The following AGPAT4 variants were observed in gnomAD, a reference collection of about 807,000 sequenced individuals.
AGPAT4 encodes 1-acylglycerol-3-phosphate O-acyltransferase 4, also known as 1-acyl-sn-glycerol-3-phosphate acyltransferase delta.
In AGPAT4, 15 loss-of-function variants were observed where a neutral mutation model predicts 48.0. The ratio of observed to expected loss-of-function variants is 0.31; its 90% CI spans 0.21 to 0.48. The LOEUF is 0.48. Ranked by LOEUF, AGPAT4 falls within the 20% of genes least tolerant of loss-of-function variation. The pLI is 0.99. For missense variants in AGPAT4, 314 were observed against 482.5 expected (o/e 0.65, Z 3.27); for synonymous variants, 178 against 198.7 (o/e 0.90, Z 0.88).
At chr6:161,194,880 G>T (rs937426802) in intron 2 of AGPAT4, among the ~76,000 whole-genome samples, 2 of 152,106 alleles carry the variant, frequency 1.3e-5, no homozygotes, top group African/African-American at 4.8e-5. Context: ...TGAATAAAAT[G>T]GTTTCCATGG....
At chr6:161,257,547 A>C (rs147883631) in intron 1 of AGPAT4, among the ~76,000 whole-genome samples, 81 of 152,316 alleles carry the variant, frequency 5.3e-4, no homozygotes, top group African/African-American at 1.9e-3. Flanking sequence ...TATACACTTA[A>C]AATGGGTGAA....
intron 7 of AGPAT4, among the ~76,000 whole-genome samples, chr6:161,145,636 T>A (rs1880366): frequency 0.044 from 6,734 of 151,416 alleles, 742 homozygotes; most frequent in African/African-American, 0.16. Context: ...CATTCCCAAG[T>A]GTAGGTAGGG....
At chr6:161,268,362 G>A (rs1314543483) in intron 1 of AGPAT4, among the ~76,000 whole-genome samples, 6 of 152,068 alleles carry the variant, frequency 3.9e-5, no homozygotes, top group Non-Finnish European at 7.3e-5. Flanking sequence ...AAAACAAAAC[G>A]GGATACATGT....
intron 1 of AGPAT4, among the ~76,000 whole-genome samples, chr6:161,248,269 T>C (rs902279533): frequency 6.6e-6 from 1 of 151,970 alleles, no homozygotes; most frequent in Non-Finnish European, 1.5e-5. Context: ...TATTCACAAC[T>C]GCCACAAAAA....
At chr6:161,160,395 G>C (rs1583291049) in intron 3 of AGPAT4, 1 of 154,098 alleles carries the variant, frequency 6.5e-6, no homozygotes, top group South Asian at 2.0e-4. Flanking sequence ...CAAAATGTAT[G>C]CTGTTCCACA....
In AGPAT4 at chr6:161,165,849, G is replaced by T. The variant is rs149371384; in HGVS notation, c.348+399C>A. On this transcript the variant is annotated intron_variant, in intron 3 of 8. Transcript: ENST00000320285. This position sits in a 1 kb window ranked among gnomAD's most constrained non-coding sequence, Gnocchi z 5.5. ...GTGATGTCTGCCTGTTAGCCAAGGA[G>T]GCAGTAGAGCATGGAATTAAGAAAT... is the stretch of plus-strand genomic sequence containing the variant. 74 of 593,228 alleles carry T rather than the reference G, an allele frequency of 1.2e-4. 1 individual carries two copies. Among genetic ancestry groups the T allele is most frequent in the African/African-American group, 1.2e-3 (63 of 54,126 alleles). 36.7% of individuals were successfully genotyped at this position (593,228 alleles called of 1,614,324 possible).
chr6:161,167,016 C>A (rs1780119450), intron 2 of AGPAT4, among the ~76,000 whole-genome samples: 1 of 152,128 alleles, frequency 6.6e-6, no homozygotes, highest in Non-Finnish European at 1.5e-5. Flanking sequence ...AAGATTCTTT[C>A]TTCAGGCAAT....
rs1433616043 is a variant in AGPAT4, at chr6:161,240,158, T to C, written c.-89-7856A>G. On this transcript the variant is annotated intron_variant, in intron 1 of 8. Coordinates refer to ENST00000320285, the MANE Select transcript of AGPAT4 (RefSeq NM_020133.3). This position sits in a 1 kb window ranked among gnomAD's most constrained non-coding sequence, Gnocchi z 5.5. ...CATGTGGAGAAAATAATCACAACTC[T>C]AAAAAAAAAACCGGAAGAAAAGAAA... is the stretch of plus-strand genomic sequence containing the variant. 7.0e-6 allele frequency among the ~76,000 whole-genome samples: 1 copy of C among 142,248 alleles called. No homozygotes were observed. The highest frequency in any genetic ancestry group is 1.5e-5 in the Non-Finnish European group (1 of 64,914). 93.3% of individuals were successfully genotyped at this position (142,248 alleles called of 152,430 possible).
intron 2 of AGPAT4, among the ~76,000 whole-genome samples, chr6:161,190,561 G>A (rs1430410811): frequency 6.9e-6 from 1 of 145,446 alleles, no homozygotes. Flanking sequence ...GAGCTCATGG[G>A]AAGCTTTACC....
In AGPAT4 at chr6:161,232,009, GA is replaced by G; in HGVS notation, c.178+26del. On this transcript the variant is annotated intron_variant, in intron 2 of 8. Transcript: ENST00000320285. The surrounding 1 kb of genome is among the most constrained non-coding windows in gnomAD (Gnocchi z 6.8). ...TGATACACACATCCACAATGGAGAC[GA>G]AAATATAGAATCTTAAGTATCTTAC... The G allele has an allele frequency of 1.9e-6, 3 of 1,608,548 alleles. No individual in the cohort carries two copies. The highest frequency in any genetic ancestry group is 1.7e-6 in the Non-Finnish European group (2 of 1,175,840).
Position 161,146,723 on chromosome 6 carries a change from G to C in AGPAT4, c.768-124C>G. 1.2e-6 allele frequency: 1 copy of C among 828,322 alleles called. No homozygotes were observed. Among genetic ancestry groups the C allele is most frequent in the South Asian group, 1.6e-5 (1 of 62,200 alleles). The allele number at this position is 828,322 out of a possible 1,614,324, so 51.3% of individuals were successfully genotyped here. A position where few individuals can be genotyped will look rare whatever the true frequency, so the allele number is the denominator to read the frequency against. On this transcript the variant is annotated intron_variant, in intron 6 of 8. Coordinates refer to ENST00000320285, the MANE Select transcript of AGPAT4 (RefSeq NM_020133.3). This position sits in a 1 kb window ranked among gnomAD's most constrained non-coding sequence, Gnocchi z 7.1. ...CACCTAAATAATGTGGAACTGAAGA[G>C]AGTAATGCAAGTGATAGAAAGAAGG...
Position 161,223,216 on chromosome 6 carries a change from T to C in AGPAT4, c.178+8820A>G, listed in dbSNP as rs1276873567. On this transcript the variant is annotated intron_variant, in intron 2 of 8. Transcript: ENST00000320285. The surrounding 1 kb of genome is among the most constrained non-coding windows in gnomAD (Gnocchi z 6.3). ...TCTGTTCTCCAGGTGCTGACCCCAGTGCCTGGCCCCCTGGACTGAGCTTGG... is the reference window on the plus strand; with the variant it reads ...TCTGTTCTCCAGGTGCTGACCCCAGCGCCTGGCCCCCTGGACTGAGCTTGG... Among the ~76,000 whole-genome samples, 1 of 152,162 alleles carries C rather than the reference T, an allele frequency of 6.6e-6. No homozygotes were observed.
rs1380115517 is a variant in AGPAT4 at position 161,261,376 on chromosome 6, G to A, written c.-90+12562C>T. Among the ~76,000 whole-genome samples the A allele has an allele frequency of 2.6e-5, 4 of 152,212 alleles. No homozygotes were observed. The highest frequency in any genetic ancestry group is 5.9e-5 in the Non-Finnish European group (4 of 68,050). On this transcript the variant is annotated intron_variant, in intron 1 of 8. Transcript: ENST00000320285. The surrounding 1 kb of genome is among the most constrained non-coding windows in gnomAD (Gnocchi z 5.3). ...GTATATCTGCCATCCCACGAAGCAG[G>A]CTTCCTCAGGAGCTGAGTGTCTTTC...
At chr6:161,188,732 G>C (rs981156263) in intron 2 of AGPAT4, among the ~76,000 whole-genome samples, 1 of 152,134 alleles carries the variant, frequency 6.6e-6, no homozygotes, top group East Asian at 1.9e-4. Flanking sequence ...TAACAAGCAC[G>C]GCCGTGCCTC....
In AGPAT4 at chr6:161,137,972, G is replaced by A. The variant is rs773114704; in HGVS notation, c.1043-1338C>T. Among the ~76,000 whole-genome samples the A allele has an allele frequency of 9.9e-5, 15 of 152,202 alleles. No individual in the cohort carries two copies. Among genetic ancestry groups the A allele is most frequent in the Non-Finnish European group, 1.9e-4 (13 of 68,042 alleles). On this transcript the variant is annotated intron_variant, in intron 8 of 8. Transcript: ENST00000320285. The surrounding 1 kb of genome is among the most constrained non-coding windows in gnomAD (Gnocchi z 6.1). ...TTTTTGGTACTCGCTACACAGCTGG[G>A]TGGCCCTGTCTGCAGCCTTCATCCT...
At position 161,202,033 on chromosome 6, in the gene AGPAT4, G is replaced by T. The variant is rs1350942432; in HGVS notation, c.178+30003C>A. Among the ~76,000 whole-genome samples the T allele has an allele frequency of 6.6e-6, 1 of 152,154 alleles. No homozygotes were observed. Among genetic ancestry groups the T allele is most frequent in the African/African-American group, 2.4e-5 (1 of 41,426 alleles). ...CTCCTCCAGGAAGTCTACCTGACCC[G>T]GGAACCTGGACAAGGTGGCTCTCAT... On this transcript the variant is annotated intron_variant, in intron 2 of 8. Coordinates refer to ENST00000320285, the MANE Select transcript of AGPAT4 (RefSeq NM_020133.3). This position sits in a 1 kb window ranked among gnomAD's most constrained non-coding sequence, Gnocchi z 5.4.
chr6:161,182,971 A>G (rs1780643511), intron 2 of AGPAT4, among the ~76,000 whole-genome samples: 2 of 152,200 alleles, frequency 1.3e-5, no homozygotes. Context: ...GGCTTGAGTG[A>G]GGATAACAAG....
rs1037837857 is a variant in AGPAT4 at position 161,259,176 on chromosome 6, C to T, written c.-90+14762G>A. On this transcript the variant is annotated intron_variant, in intron 1 of 8. Coordinates refer to ENST00000320285, the MANE Select transcript of AGPAT4 (RefSeq NM_020133.3). This position sits in a 1 kb window ranked among gnomAD's most constrained non-coding sequence, Gnocchi z 4.9. ...ATAATGTTATGATATACGTTTACAC[C>T]GTGAAATGATTAAATGAAGCTCGCT... Among the ~76,000 whole-genome samples the T allele has an allele frequency of 6.6e-6, 1 of 151,956 alleles. No individual in the cohort carries two copies. The highest frequency in any genetic ancestry group is 1.5e-5 in the Non-Finnish European group (1 of 67,984).
At chr6:161,248,563 C>T (rs1782725755) in intron 1 of AGPAT4, among the ~76,000 whole-genome samples, 1 of 117,326 alleles carries the variant, frequency 8.5e-6, no homozygotes, top group South Asian at 2.8e-4. Flanking sequence ...GACAGCGAGA[C>T]TCTGTCTCAA....
Sources: allele counts gnomAD v4.1 joint callset (sites outside exome capture counted in the v4.1 genomes callset), GRCh38; gene constraint gnomAD v4.1.1; non-coding constraint Gnocchi (gnomAD v3.1); transcripts MANE v1.5; gene names NCBI Gene and HGNC (gene_info 2026-07-23, HGNC 2026-07-21).